Variants in KIF4A observed in about 807,000 individuals in gnomAD.
The protein encoded by KIF4A is kinesin family member 4A.
KIF4A carries 7 observed loss-of-function variants against 105.9 expected under a neutral mutation model. The observed-to-expected ratio is 0.07, with a 90% CI of 0.04 to 0.12. The LOEUF (loss-of-function observed/expected upper bound fraction) is 0.12, where lower values mean the gene tolerates loss of function less well. KIF4A is among the 10% of genes least tolerant of loss of function. The probability of loss-of-function intolerance (pLI) is 1.00; values close to 1 mark genes in which losing one functional copy is unlikely to be tolerated. For synonymous variants in KIF4A, 281 were observed against 331.3 expected, an observed-to-expected ratio of 0.85 and a Z score of 1.65; for missense variants, 558 against 929.2, an observed-to-expected ratio of 0.60 and a Z score of 5.19.
chrX:70,415,861 C>CTTTTTTTTTT, intron 28 of KIF4A, among the ~76,000 whole-genome samples: 1 of 57,434 alleles, frequency 1.7e-5, no homozygotes, highest in Non-Finnish European at 3.2e-5. Flanking sequence ...TGCATTATTT[C>CTTTTTTTTTT]TTTTTTTTTT....
chrX:70,406,868 AACT>A, intron 27 of KIF4A, 22 bp from the exon 28 acceptor site: 1 of 1,201,533 alleles, frequency 8.3e-7, no homozygotes, highest in Non-Finnish European at 1.1e-6. Flanking sequence ...TAAATAACTA[AACT>A]ACTCCAAACC....
At chrX:70,335,762 C>A (rs2085947980) in intron 10 of KIF4A, among the ~76,000 whole-genome samples, 1 of 111,602 alleles carries the variant, frequency 9.0e-6, no homozygotes, top group Non-Finnish European at 1.9e-5. Flanking sequence ...GAGTGTGGAA[C>A]AATTGACATT....
intron 20 of KIF4A, among the ~76,000 whole-genome samples, chrX:70,392,324 T>C (rs2147732259): frequency 8.9e-6 from 1 of 112,175 alleles, no homozygotes; most frequent in East Asian, 2.8e-4. Context: ...TTTTGCTTTT[T>C]GGGGAGAGGG....
At chrX:70,396,987 C>T (rs1440047324) in intron 22 of KIF4A, among the ~76,000 whole-genome samples, 2 of 111,012 alleles carry the variant, frequency 1.8e-5, no homozygotes, top group South Asian at 3.8e-4. Flanking sequence ...GCAGAAGAAT[C>T]GCTTCAACCC....
At chrX:70,347,176 G>A (rs1354998515) in intron 13 of KIF4A, among the ~76,000 whole-genome samples, 3 of 111,633 alleles carry the variant, frequency 2.7e-5, no homozygotes, top group Non-Finnish European at 3.8e-5. Flanking sequence ...GCCCAGTAAC[G>A]GTACCGCCTA....
At chrX:70,415,635 A>AGAGACATAC (rs2086340484) in intron 28 of KIF4A, among the ~76,000 whole-genome samples, 1 of 108,906 alleles carries the variant, frequency 9.2e-6, no homozygotes, top group South Asian at 4.1e-4. Flanking sequence ...TAATGTGGTA[A>AGAGACATAC]GAGACATACA....
At chrX:70,295,655 C>T (rs1230476038) in intron 3 of KIF4A, among the ~76,000 whole-genome samples, 1 of 109,433 alleles carries the variant, frequency 9.1e-6, no homozygotes, top group Non-Finnish European at 1.9e-5. Context: ...TGGTGGCTCA[C>T]GCCTGTAATA....
intron 15 of KIF4A, among the ~76,000 whole-genome samples, chrX:70,363,465 A>G (rs1014259884): frequency 9.0e-6 from 1 of 110,654 alleles, no homozygotes; most frequent in Admixed American, 9.6e-5. Context: ...TCATTGTTCA[A>G]TTCCCACCTA....
intron 15 of KIF4A, 88 bp from the exon 16 acceptor site, chrX:70,374,063 A>G (rs1712397825): frequency 4.2e-6 from 2 of 480,484 alleles, no homozygotes; most frequent in East Asian, 3.8e-5. Flanking sequence ...AAATTAATGC[A>G]TAGTTCCTTG....
chrX:70,414,864 A>G (rs2086336894), intron 28 of KIF4A, among the ~76,000 whole-genome samples: 1 of 111,670 alleles, frequency 9.0e-6, no homozygotes. Context: ...GTGGTCGCTG[A>G]GGTCTCTTCT....
In KIF4A at chrX:70,379,792, G is replaced by GAA. The variant is rs772896645; in HGVS notation, c.2034+3597_2034+3598dup. 1.6e-4 allele frequency among the ~76,000 whole-genome samples: 11 copies of GAA among 67,925 alleles called. 1 individual carries two copies. The highest frequency in any genetic ancestry group is 2.8e-4 in the African/African-American group (5 of 17,981). 59.0% of individuals were successfully genotyped at this position (67,925 alleles called of 115,157 possible). ...GGCGATAGAGTGAGATTCTGTCTCA[G>GAA]AAAAAAAAAAAAAAAAGACAGAAAT... On this transcript the variant is annotated intron_variant, in intron 18 of 30. Coordinates refer to ENST00000374403, the MANE Select transcript of KIF4A (RefSeq NM_012310.5).
chrX:70,370,861 G>T (rs1393391334), intron 15 of KIF4A, among the ~76,000 whole-genome samples: 1 of 103,800 alleles, frequency 9.6e-6, no homozygotes, highest in Non-Finnish European at 2.0e-5. Context: ...TTTTGAACCT[G>T]GGAGACAGAG....
At chrX:70,415,818 A>G (rs753087382) in intron 28 of KIF4A, among the ~76,000 whole-genome samples, 1 of 105,947 alleles carries the variant, frequency 9.4e-6, no homozygotes, top group African/African-American at 3.4e-5. Context: ...GCTTTTGTAC[A>G]CATGAACAAA....
intron 15 of KIF4A, among the ~76,000 whole-genome samples, chrX:70,362,818 C>T (rs1438274661): frequency 8.9e-6 from 1 of 112,463 alleles, no homozygotes; most frequent in African/African-American, 3.2e-5. Flanking sequence ...AGGCATGAGC[C>T]ACTGCACAAG....
At chrX:70,414,751 T>C (rs1259492891) in intron 28 of KIF4A, among the ~76,000 whole-genome samples, 1 of 111,881 alleles carries the variant, frequency 8.9e-6, no homozygotes, top group Admixed American at 9.5e-5. Flanking sequence ...GGTCCTATGA[T>C]TAGAAGTTAT....
intron 18 of KIF4A, 147 bp downstream of exon 18, chrX:70,376,357 T>A: frequency 4.7e-6 from 2 of 424,992 alleles, no homozygotes; most frequent in East Asian, 7.7e-5. Context: ...GTCTACTATG[T>A]CTATTATGTG....
intron 15 of KIF4A, among the ~76,000 whole-genome samples, chrX:70,354,157 T>C (rs1404651965): frequency 2.7e-5 from 3 of 112,901 alleles, no homozygotes; most frequent in Non-Finnish European, 5.6e-5. Flanking sequence ...TAGTATGAAT[T>C]ATGAAGACAC....
At chrX:70,294,899 C>T (rs2085775141) in intron 3 of KIF4A, among the ~76,000 whole-genome samples, 1 of 111,917 alleles carries the variant, frequency 8.9e-6, no homozygotes, top group Non-Finnish European at 1.9e-5. Flanking sequence ...TGGCGAAACT[C>T]GTCTCTACCA....
intron 9 of KIF4A, among the ~76,000 whole-genome samples, chrX:70,330,698 C>T (rs141841946): frequency 2.5e-4 from 28 of 111,286 alleles, no homozygotes; most frequent in African/African-American, 9.1e-4. Context: ...TGTGTTTTGG[C>T]GAGATCATTC....
Sources: allele counts gnomAD v4.1 joint callset (sites outside exome capture counted in the v4.1 genomes callset), GRCh38; gene constraint gnomAD v4.1.1; transcripts MANE v1.5; gene names NCBI Gene and HGNC (gene_info 2026-07-23, HGNC 2026-07-21).